Variants in EDN1 observed in about 807,000 individuals in gnomAD.
The protein encoded by EDN1 is endothelin 1, also known as endothelin-1.
Under a neutral mutation model 21.7 loss-of-function variants are expected in EDN1, and 11 were observed. The ratio of observed to expected loss-of-function variants is 0.51; its 90% confidence interval spans 0.32 to 0.84. The LOEUF (loss-of-function observed/expected upper bound fraction) is 0.84. EDN1 is among the 40% of genes least tolerant of loss of function. The pLI is 0.03. For missense variants in EDN1, 244 were observed against 262.3 expected (o/e 0.93, Z 0.48); for synonymous variants, 85 against 90.6 (o/e 0.94, Z 0.35).
At chr6:12,250,989 G>T in the EDN1 span, among the ~76,000 whole-genome samples, 1 of 152,152 alleles carries the variant, frequency 6.6e-6, no homozygotes, top group Non-Finnish European at 1.5e-5. Context: ...CACAGATGAT[G>T]CCATGCTTCC....
chr6:12,278,361 A>G, the EDN1 span, among the ~76,000 whole-genome samples: 1 of 152,144 alleles, frequency 6.6e-6, no homozygotes, highest in Non-Finnish European at 1.5e-5. Flanking sequence ...GATAGCCAGT[A>G]ATTTCCTTTC....
the EDN1 span, among the ~76,000 whole-genome samples, chr6:12,249,814 C>G: frequency 6.6e-6 from 1 of 151,944 alleles, no homozygotes; most frequent in East Asian, 1.9e-4. Flanking sequence ...TTACGACAGT[C>G]CTACTGCTGA....
At chr6:12,256,166 C>T in the EDN1 span, among the ~76,000 whole-genome samples, 11 of 152,120 alleles carry the variant, frequency 7.2e-5, no homozygotes, top group East Asian at 7.8e-4. Context: ...GGCAACAAAG[C>T]GAGAGTCCCA....
the EDN1 span, among the ~76,000 whole-genome samples, chr6:12,266,919 G>A: frequency 6.6e-6 from 1 of 152,128 alleles, no homozygotes; most frequent in Admixed American, 6.5e-5. Context: ...TTTTGTTAAT[G>A]CAATTAATAT....
the EDN1 span, among the ~76,000 whole-genome samples, chr6:12,252,160 G>C: frequency 1.3e-5 from 2 of 152,116 alleles, no homozygotes; most frequent in Non-Finnish European, 2.9e-5. Context: ...GATATTGCTG[G>C]ACTTGGATTC....
At chr6:12,237,619 CTG>C in the EDN1 span, among the ~76,000 whole-genome samples, 1 of 152,152 alleles carries the variant, frequency 6.6e-6, no homozygotes, top group African/African-American at 2.4e-5. Context: ...TGCTGAACGA[CTG>C]AGGTTTTCAT....
chr6:12,264,405 C>A, the EDN1 span, among the ~76,000 whole-genome samples: 2 of 152,100 alleles, frequency 1.3e-5, no homozygotes, highest in Admixed American at 1.3e-4. Flanking sequence ...ACAGAATAAT[C>A]ATTTTTCCAA....
chr6:12,267,050 A>T, the EDN1 span, among the ~76,000 whole-genome samples: 1 of 152,258 alleles, frequency 6.6e-6, no homozygotes, highest in African/African-American at 2.4e-5. Flanking sequence ...GAATTAATGC[A>T]TAATTGTACA....
At chr6:12,247,105 T>C in the EDN1 span, among the ~76,000 whole-genome samples, 5 of 152,234 alleles carry the variant, frequency 3.3e-5, no homozygotes, top group Non-Finnish European at 7.3e-5. Flanking sequence ...TAGCCTGCAG[T>C]GCTCTAGGCC....
At chr6:12,242,166 G>A in the EDN1 span, among the ~76,000 whole-genome samples, 1 of 152,068 alleles carries the variant, frequency 6.6e-6, no homozygotes, top group Non-Finnish European at 1.5e-5. Flanking sequence ...GATACCAAAG[G>A]CTTTCTGGAG....
At chr6:12,284,774 AG>A in the EDN1 span, among the ~76,000 whole-genome samples, 4 of 151,858 alleles carry the variant, frequency 2.6e-5, no homozygotes, top group Non-Finnish European at 5.9e-5. Flanking sequence ...AAAGAAAGAA[AG>A]AAAGAAAGAA....
chr6:12,250,997 T>A, the EDN1 span, among the ~76,000 whole-genome samples: 1 of 152,204 alleles, frequency 6.6e-6, no homozygotes, highest in African/African-American at 2.4e-5. Context: ...ATGCCATGCT[T>A]CCTGAGACTG....
chr6:12,271,545 C>T, the EDN1 span, among the ~76,000 whole-genome samples: 32 of 152,212 alleles, frequency 2.1e-4, 1 homozygote, highest in African/African-American at 7.7e-4. Context: ...CTTATTGTAG[C>T]TAGACTTATC....
the EDN1 span, among the ~76,000 whole-genome samples, chr6:12,275,570 G>T: frequency 2.6e-5 from 4 of 151,928 alleles, no homozygotes; most frequent in Admixed American, 2.6e-4. Context: ...ATTTGTAATA[G>T]ATTTCATGTA....
At chr6:12,238,598 G>A in the EDN1 span, among the ~76,000 whole-genome samples, 1 of 152,332 alleles carries the variant, frequency 6.6e-6, no homozygotes, top group African/African-American at 2.4e-5. Context: ...ACTGCCAGCT[G>A]TCCTCGCTTA....
At chr6:12,273,604 C>CTTTTTTTTTTTTTTTT in the EDN1 span, among the ~76,000 whole-genome samples, 2 of 83,380 alleles carry the variant, frequency 2.4e-5, no homozygotes, top group African/African-American at 1.0e-4. Flanking sequence ...GTAGGCAGGA[C>CTTTTTTTTTTTTTTTT]TTTTTTTTTT....
At chr6:12,272,592 G>C in the EDN1 span, among the ~76,000 whole-genome samples, 1 of 151,424 alleles carries the variant, frequency 6.6e-6, no homozygotes, top group Non-Finnish European at 1.5e-5. Flanking sequence ...GGAGTAGCTG[G>C]GATTGCAGGC....
chr6:12,291,877 G>A lies in EDN1; in HGVS notation c.65-464G>A, dbSNP rs1423793595. On this transcript the variant is annotated intron_variant, in intron 1 of 4. Transcript: ENST00000379375. ...GTGAAGTGGATGGGTACCCCCTAAA[G>A]AGAGGGTCATCCTGAATGGGGAAGT... Among the ~76,000 whole-genome samples the A allele has an allele frequency of 1.1e-4, 17 of 152,364 alleles. 1 individual carries two copies. The East Asian group carries it at 3.3e-3, about 29-fold the overall frequency.
chr6:12,243,071 G>A, the EDN1 span, among the ~76,000 whole-genome samples: 8 of 152,018 alleles, frequency 5.3e-5, no homozygotes, highest in African/African-American at 1.7e-4. Context: ...GTAATAACCC[G>A]CTGTTGACCA....
Sources: gnomAD v4.1 joint callset for allele counts (sites outside exome capture counted in the v4.1 genomes callset) on GRCh38, gnomAD v4.1.1 for gene constraint, MANE v1.5 for transcripts, NCBI Gene and HGNC (gene_info 2026-07-23, HGNC 2026-07-21) for gene names.